The following SEMA3E variants were observed in gnomAD, a reference collection of about 807,000 sequenced individuals.
SEMA3E encodes the protein semaphorin-3E.
SEMA3E carries 49 observed loss-of-function variants against 93.6 expected under a neutral mutation model. That is an observed-to-expected ratio of 0.52 (90% CI 0.42 to 0.66). The LOEUF (loss-of-function observed/expected upper bound fraction) is 0.66. Among genes scored for constraint, SEMA3E ranks in the 30% least tolerant of loss-of-function variants. The pLI, the probability that SEMA3E is intolerant of heterozygous loss-of-function variation, is 0.00. For synonymous variants in SEMA3E, 363 were observed against 330.7 expected (o/e 1.10, Z -1.06); for missense variants, 906 against 964.8 (o/e 0.94, Z 0.81).
intron 4 of SEMA3E, among the ~76,000 whole-genome samples, chr7:83,451,336 A>G (rs1789354345): frequency 6.6e-6 from 1 of 152,164 alleles, no homozygotes; most frequent in African/African-American, 2.4e-5. Context: ...TAACCAAAAA[A>G]GTGTTTAAAA....
At chr7:83,514,190 A>G (rs1033946291) in intron 1 of SEMA3E, among the ~76,000 whole-genome samples, 2 of 152,178 alleles carry the variant, frequency 1.3e-5, no homozygotes, top group African/African-American at 4.8e-5. Flanking sequence ...GTGGAGGCGC[A>G]TGAATAATCC....
intron 1 of SEMA3E, among the ~76,000 whole-genome samples, chr7:83,614,578 T>C (rs763803160): frequency 1.3e-5 from 2 of 152,080 alleles, no homozygotes; most frequent in Admixed American, 6.6e-5. Context: ...CCCAAAATCT[T>C]AGTGGCTTAA....
At chr7:83,509,017 A>C (rs927674014) in intron 1 of SEMA3E, among the ~76,000 whole-genome samples, 1 of 152,174 alleles carries the variant, frequency 6.6e-6, no homozygotes, top group Non-Finnish European at 1.5e-5. Flanking sequence ...TGAAGGGGGA[A>C]CATGTAAAGG....
intron 2 of SEMA3E, among the ~76,000 whole-genome samples, chr7:83,478,496 T>G (rs2115929966): frequency 6.6e-6 from 1 of 152,350 alleles, no homozygotes; most frequent in Middle Eastern, 3.4e-3. Context: ...GAAGTCTTAG[T>G]AATTTTCAAA....
intron 1 of SEMA3E, among the ~76,000 whole-genome samples, chr7:83,568,874 A>T (rs1792217055): frequency 4.6e-5 from 7 of 152,112 alleles, no homozygotes; most frequent in Admixed American, 4.6e-4. Context: ...TCCTAGTCAG[A>T]GCAATAGACA....
At position 83,575,307 on chromosome 7, in the gene SEMA3E, T is replaced by C. The variant is rs560566550; in HGVS notation, c.115+73121A>G. Among the ~76,000 whole-genome samples, 7 of 151,588 alleles carry C rather than the reference T, an allele frequency of 4.6e-5. No individual in the cohort carries two copies. In the South Asian group the frequency reaches 1.5e-3, roughly 32 times the overall value. On this transcript the variant is annotated intron_variant, in intron 1 of 16. Transcript: ENST00000643230. ...ATAGATCACAGTGTTATTACCTGCA[T>C]ACAAGATAGAGTCAAATTAAAGATT... is the stretch of plus-strand genomic sequence containing the variant.
intron 2 of SEMA3E, among the ~76,000 whole-genome samples, chr7:83,484,750 A>G (rs1790219050): frequency 6.6e-6 from 1 of 152,144 alleles, no homozygotes; most frequent in African/African-American, 2.4e-5. Context: ...TTATTTTTCC[A>G]GTGTATTTCC....
intron 4 of SEMA3E, among the ~76,000 whole-genome samples, chr7:83,442,265 A>G (rs1789129881): frequency 6.6e-6 from 1 of 152,194 alleles, no homozygotes; most frequent in African/African-American, 2.4e-5. Flanking sequence ...TAATTAATAA[A>G]TACTTTTCAA....
chr7:83,390,049 G>A (rs578088381), intron 14 of SEMA3E, among the ~76,000 whole-genome samples: 46 of 39,422 alleles, frequency 1.2e-3, no homozygotes, highest in Non-Finnish European at 7.0e-4. Context: ...ATATATGCGC[G>A]TATACGTGTG....
At chr7:83,452,325 G>A (rs1296757797) in intron 4 of SEMA3E, among the ~76,000 whole-genome samples, 2 of 151,852 alleles carry the variant, frequency 1.3e-5, no homozygotes, top group African/African-American at 4.8e-5. Context: ...TGTTCAAGTG[G>A]GGGAAAAAAA....
intron 13 of SEMA3E, 62 bp downstream of exon 13, chr7:83,394,235 G>C: frequency 6.5e-7 from 1 of 1,538,520 alleles, no homozygotes; most frequent in South Asian, 1.1e-5. Context: ...CATATCCTTT[G>C]ACCTTACCTT....
At chr7:83,589,697 T>C (rs1392788756) in intron 1 of SEMA3E, among the ~76,000 whole-genome samples, 1 of 152,210 alleles carries the variant, frequency 6.6e-6, no homozygotes, top group East Asian at 1.9e-4. Flanking sequence ...TCAAAACTTA[T>C]TAATAAGATA....
intron 2 of SEMA3E, among the ~76,000 whole-genome samples, chr7:83,486,983 C>T (rs1790271415): frequency 6.6e-6 from 1 of 152,064 alleles, no homozygotes; most frequent in Non-Finnish European, 1.5e-5. Context: ...CACCCTGAAG[C>T]TCAATGGCCA....
At chr7:83,492,050 C>T (rs1790395746) in intron 1 of SEMA3E, among the ~76,000 whole-genome samples, 1 of 151,974 alleles carries the variant, frequency 6.6e-6, no homozygotes, top group African/African-American at 2.4e-5. Context: ...GAAAAGTTTT[C>T]TCAGTTATTC....
At chr7:83,406,891 A>C (rs373466545) in intron 7 of SEMA3E, among the ~76,000 whole-genome samples, 5 of 152,280 alleles carry the variant, frequency 3.3e-5, no homozygotes, top group African/African-American at 1.2e-4. Context: ...AGCTTCAAAA[A>C]TGGGGAAAAT....
intron 1 of SEMA3E, among the ~76,000 whole-genome samples, chr7:83,525,483 G>A (rs1042109435): frequency 2.6e-5 from 4 of 151,798 alleles, no homozygotes; most frequent in African/African-American, 9.7e-5. Context: ...TTTCTGCAAT[G>A]CTTATTTTTT....
chr7:83,445,252 A>G (rs1360794540), intron 4 of SEMA3E, among the ~76,000 whole-genome samples: 1 of 152,258 alleles, frequency 6.6e-6, no homozygotes, highest in African/African-American at 2.4e-5. Flanking sequence ...TGGAGTCAAT[A>G]AATCAGCTTG....
At chr7:83,409,069 A>G (rs1006819652) in intron 5 of SEMA3E, among the ~76,000 whole-genome samples, 3 of 152,196 alleles carry the variant, frequency 2.0e-5, no homozygotes, top group Non-Finnish European at 4.4e-5. Flanking sequence ...GATAGGAAGG[A>G]TATAAAAAGC....
At chr7:83,504,266 T>C (rs1343165114) in intron 1 of SEMA3E, among the ~76,000 whole-genome samples, 2 of 152,228 alleles carry the variant, frequency 1.3e-5, no homozygotes, top group Non-Finnish European at 2.9e-5. Flanking sequence ...AGTGCAACTT[T>C]ATAATCTTTT....
Sources: gnomAD v4.1 joint callset for allele counts (sites outside exome capture counted in the v4.1 genomes callset) on GRCh38, gnomAD v4.1.1 for gene constraint, MANE v1.5 for transcripts, NCBI Gene and HGNC (gene_info 2026-07-23, HGNC 2026-07-21) for gene names.